Variants in CLN6 observed in about 807,000 individuals in gnomAD.
The protein encoded by CLN6 is CLN6 transmembrane ER protein.
Under a neutral mutation model 33.3 loss-of-function variants are expected in CLN6, and 22 were observed. That is an observed-to-expected ratio of 0.66 (90% CI 0.47 to 0.94). The LOEUF (loss-of-function observed/expected upper bound fraction) is 0.94. Ranked by LOEUF, CLN6 falls within the 40% of genes least tolerant of loss-of-function variation. The pLI is 0.00. For synonymous variants in CLN6, 201 were observed against 174.6 expected, an observed-to-expected ratio of 1.15 and a Z score of -1.19; for missense variants, 387 against 417.1, an observed-to-expected ratio of 0.93 and a Z score of 0.63.
chr15:68,249,560 G>A (rs1015296802), intron 1 of CLN6, among the ~76,000 whole-genome samples: 1 of 152,180 alleles, frequency 6.6e-6, no homozygotes, highest in Non-Finnish European at 1.5e-5. Flanking sequence ...GTTGAATGAA[G>A]CCAAGCACAG....
rs757531477 is a variant in CLN6 at position 68,208,432 on chromosome 15, G to C, written c.666-22C>G. 6.2e-7 allele frequency: 1 copy of C among 1,611,230 alleles called. No homozygotes were observed. The highest frequency in any genetic ancestry group is 1.1e-5 in the South Asian group (1 of 90,920). ...GTACCTGGAAAGGCCAGGGGTGAGT[G>C]AGGCAGCTGCCGTGGCAACCCCGTC... On this transcript the variant is annotated intron_variant, in intron 6 of 6. Coordinates refer to ENST00000249806, the MANE Select transcript of CLN6 (RefSeq NM_017882.3). The surrounding 1 kb of genome is among the most constrained non-coding windows in gnomAD (Gnocchi z 5.8).
At chr15:68,233,194 A>G (rs883257), upstream of CLN6, among the ~76,000 whole-genome samples, 83,375 of 151,500 alleles carry the variant, frequency 0.55, 23,463 homozygotes, top group African/African-American at 0.61. This position sits in a 1 kb window ranked among gnomAD's most constrained non-coding sequence, Gnocchi z 4.3. Context: ...CCCAGCCACC[A>G]CACTCCCCAA....
At position 68,236,507 on chromosome 15, in the gene CLN6, T is replaced by A. The variant is rs1287581609; in HGVS notation, c.180-17857A>T. On this transcript the variant is annotated intron_variant, in intron 1 of 6. Transcript: ENST00000538696. The surrounding 1 kb of genome is among the most constrained non-coding windows in gnomAD (Gnocchi z 4.5). ...AAAATGCAAGTCATAAAAGGCCATA[T>A]GCTGTATTAGGCCATTTATATGAAA... 6.6e-6 allele frequency among the ~76,000 whole-genome samples: 1 copy of A among 152,258 alleles called. No individual in the cohort carries two copies. Among genetic ancestry groups the A allele is most frequent in the Non-Finnish European group, 1.5e-5 (1 of 68,048 alleles).
chr15:68,253,335 CCTTT>C, intron 1 of CLN6, among the ~76,000 whole-genome samples: 1 of 152,204 alleles, frequency 6.6e-6, no homozygotes, highest in East Asian at 1.9e-4. Context: ...TTTTATTTTT[CCTTT>C]CTTTCTGCCT....
chr15:68,208,177 C>T lies in CLN6; in HGVS notation c.899G>A (p.Trp300Ter). The T allele has an allele frequency of 6.2e-7, 1 of 1,613,678 alleles. No homozygotes were observed. Among genetic ancestry groups the T allele is most frequent in the Admixed American group, 1.7e-5 (1 of 59,986 alleles). Residue 300 changes from tryptophan to a stop codon, truncating the protein, a stop_gained, in exon 7 of 7, where the codon TGG becomes TAG. Transcript: ENST00000249806. LOFTEE classifies it high-confidence loss of function. The surrounding 1 kb of genome is among the most constrained non-coding windows in gnomAD (Gnocchi z 5.8). The part of the protein sequence containing the change: ...YPGVIYVPEP[W>*]AFYTLHVSSR... ...GCTGACGTGAAGGGTGTAGAAAGCCCAGGGCTCAGGGACGTAGATGACACC... is the reference window on the plus strand; with the variant it reads ...GCTGACGTGAAGGGTGTAGAAAGCCTAGGGCTCAGGGACGTAGATGACACC...
In CLN6 at chr15:68,208,875, C is replaced by T. The variant is rs1567094838; in HGVS notation, c.666-465G>A. Among the ~76,000 whole-genome samples, 1 of 152,322 alleles carries T rather than the reference C, an allele frequency of 6.6e-6. No individual in the cohort carries two copies. Among genetic ancestry groups the T allele is most frequent in the East Asian group, 1.9e-4 (1 of 5,164 alleles). On this transcript the variant is annotated intron_variant, in intron 6 of 6. Transcript: ENST00000249806. This position sits in a 1 kb window ranked among gnomAD's most constrained non-coding sequence, Gnocchi z 5.8. ...CCCCAGAGAGCATACAGATGAGCCC[C>T]AGTGGGCCATCTCAGCCACATAGGG...
rs143578698 is a variant in CLN6 at position 68,208,153 on chromosome 15, C to G, written c.923G>C (p.Ser308Thr). The G allele has an allele frequency of 2.3e-3, 3,629 of 1,557,662 alleles. 10 individuals carry two copies. Among genetic ancestry groups the G allele is most frequent in the Non-Finnish European group, 2.9e-3 (3,332 of 1,145,428 alleles). Residue 308 changes from serine to threonine, a missense_variant, in exon 7 of 7, where the codon AGC (serine) becomes ACC (threonine). Coordinates refer to ENST00000249806, the MANE Select transcript of CLN6 (RefSeq NM_017882.3). This position sits in a 1 kb window ranked among gnomAD's most constrained non-coding sequence, Gnocchi z 5.8. ...GGTGCCAGGGACTCAGTGCCGACTG[C>G]TGACGTGAAGGGTGTAGAAAGCCCA... Reference protein sequence around the residue: ...EPWAFYTLHVSSRH With the variant: ...EPWAFYTLHVTSRH
At chr15:68,231,910 A>G (rs1394318150), upstream of CLN6, among the ~76,000 whole-genome samples, 1 of 152,148 alleles carries the variant, frequency 6.6e-6, no homozygotes, top group African/African-American at 2.4e-5. Context: ...AATTGCATGG[A>G]AATTTGGGGG....
intron 1 of CLN6, among the ~76,000 whole-genome samples, chr15:68,222,030 A>C (rs1595823125): frequency 1.0e-4 from 8 of 79,044 alleles, no homozygotes; most frequent in South Asian, 4.6e-4. Flanking sequence ...CCGGCTGCCC[A>C]TCGTCTGGGA....
intron 1 of CLN6, among the ~76,000 whole-genome samples, chr15:68,235,087 C>T (rs1197714560): frequency 6.6e-6 from 1 of 152,126 alleles, no homozygotes; most frequent in Non-Finnish European, 1.5e-5. Flanking sequence ...TTCCTGTGTG[C>T]TAAACCCTGA....
At chr15:68,232,834 G>C (rs999885834), upstream of CLN6, among the ~76,000 whole-genome samples, 1 of 152,152 alleles carries the variant, frequency 6.6e-6, no homozygotes, top group African/African-American at 2.4e-5. The surrounding 1 kb of genome is among the most constrained non-coding windows in gnomAD (Gnocchi z 4.7). Flanking sequence ...GTGAGGTCAG[G>C]AGTTCAAGAC....
chr15:68,257,114 T>C (rs1892446709), upstream of CLN6: 3 of 370,478 alleles, frequency 8.1e-6, no homozygotes, highest in Admixed American at 1.4e-4. Flanking sequence ...TCTGCAGGCC[T>C]CTCCCCGCCA....
intron 1 of CLN6, among the ~76,000 whole-genome samples, chr15:68,249,056 G>C (rs1241418599): frequency 6.6e-6 from 1 of 152,184 alleles, no homozygotes; most frequent in Non-Finnish European, 1.5e-5. Context: ...ACAAATGGCT[G>C]ACAGGTATTT....
Position 68,256,018 on chromosome 15 carries a change from G to A in CLN6, c.179+672C>T, listed in dbSNP as rs772355086. Among the ~76,000 whole-genome samples the A allele has an allele frequency of 6.6e-5, 10 of 151,490 alleles. No homozygotes were observed. The highest frequency in any genetic ancestry group is 2.6e-4 in the Admixed American group (4 of 15,198). ...TGCCCTGTCTGTTGTCCAACTCCTCGCCCGAAGTGATCCTCCTTCTTCGAC... is the reference window on the plus strand; with the variant it reads ...TGCCCTGTCTGTTGTCCAACTCCTCACCCGAAGTGATCCTCCTTCTTCGAC... On this transcript the variant is annotated intron_variant, in intron 1 of 6. Transcript: ENST00000538696. This position sits in a 1 kb window ranked among gnomAD's most constrained non-coding sequence, Gnocchi z 4.1.
exon 1 of CLN6, chr15:68,257,023 G>T (rs1892445063): frequency 3.8e-6 from 2 of 530,442 alleles, no homozygotes; most frequent in African/African-American, 3.8e-5. Context: ...CTGACGCAGA[G>T]GTCGCAATAC....
In CLN6 at chr15:68,208,612, G is replaced by A. The variant is rs1344563202; in HGVS notation, c.666-202C>T. Among the ~76,000 whole-genome samples, 1 of 152,226 alleles carries A rather than the reference G, an allele frequency of 6.6e-6. No homozygotes were observed. The highest frequency in any genetic ancestry group is 1.5e-5 in the Non-Finnish European group (1 of 68,046). Reference sequence around the variant, plus strand: ...CTGGTATAGTTACTGTTTTTTAAATGTTGAGTTTGTTGCCAATATTTAAAT... The same window carrying A: ...CTGGTATAGTTACTGTTTTTTAAATATTGAGTTTGTTGCCAATATTTAAAT... On this transcript the variant is annotated intron_variant, in intron 6 of 6. Transcript: ENST00000249806. The surrounding 1 kb of genome is among the most constrained non-coding windows in gnomAD (Gnocchi z 5.8).
rs1324276958 is a variant in CLN6 at position 68,210,781 on chromosome 15, C to T, written c.542+482G>A. On this transcript the variant is annotated intron_variant, in intron 5 of 6. Transcript: ENST00000249806. The surrounding 1 kb of genome is among the most constrained non-coding windows in gnomAD (Gnocchi z 5.6). ...TGAAGAGGGGGGAGCGCAAACAGCA[C>T]GCCCCTCCCCAGCCTGATCCAGCTG... is the stretch of plus-strand genomic sequence containing the variant. Among the ~76,000 whole-genome samples, 2 of 152,156 alleles carry T rather than the reference C, an allele frequency of 1.3e-5. No homozygotes were observed. Among genetic ancestry groups the T allele is most frequent in the African/African-American group, 2.4e-5 (1 of 41,430 alleles).
Position 68,218,442 on chromosome 15 carries a change from G to A in CLN6, c.198+94C>T, listed in dbSNP as rs879112499. On this transcript the variant is annotated intron_variant, in intron 2 of 6. Transcript: ENST00000249806. ...TTCTCTCAGTTTACTAGGAGATAAA[G>A]GAGAAGTGACTTGTCTAAGGTCACT... 77 of 891,842 alleles carry A rather than the reference G, an allele frequency of 8.6e-5. 1 individual carries two copies. The South Asian group carries it at 9.5e-4, about 11-fold the overall frequency. The allele number at this position is 891,842 out of a possible 1,614,324, so 55.2% of individuals were successfully genotyped here. A position where few individuals can be genotyped will look rare whatever the true frequency, so the allele number is the denominator to read the frequency against.
intron 2 of CLN6, among the ~76,000 whole-genome samples, chr15:68,215,911 G>T (rs1007226628): frequency 1.3e-5 from 2 of 152,232 alleles, no homozygotes; most frequent in Admixed American, 1.3e-4. Context: ...CAGGAAAGGG[G>T]TAGGGAGAGT....
Sources: gnomAD v4.1 joint callset for allele counts (sites outside exome capture counted in the v4.1 genomes callset) on GRCh38, gnomAD v4.1.1 for gene constraint, Gnocchi (gnomAD v3.1) non-coding constraint, MANE v1.5 for transcripts, NCBI Gene and HGNC (gene_info 2026-07-23, HGNC 2026-07-21) for gene names.